FGF14: variants seen among roughly 807,000 people sequenced by gnomAD.
FGF14 encodes the protein fibroblast growth factor 14.
Under a neutral mutation model 25.5 loss-of-function variants are expected in FGF14, and 5 were observed. The observed-to-expected ratio is 0.20, with a 90% CI of 0.10 to 0.41. FGF14 has a LOEUF of 0.41. Ranked by LOEUF, FGF14 falls within the 10% of genes least tolerant of loss-of-function variation. The probability of loss-of-function intolerance (pLI) is 1.00; values close to 1 mark genes in which losing one functional copy is unlikely to be tolerated. For missense variants in FGF14, 222 were observed against 320.1 expected (o/e 0.69, Z 2.34); for synonymous variants, 138 against 118.3 (o/e 1.17, Z -1.08).
intron 1 of FGF14, among the ~76,000 whole-genome samples, chr13:101,971,891 T>C (rs2037618129): frequency 6.6e-6 from 1 of 152,220 alleles, no homozygotes; most frequent in South Asian, 2.1e-4. Flanking sequence ...CTGTTTGAAA[T>C]TTCACACGTG....
intron 1 of FGF14, among the ~76,000 whole-genome samples, chr13:102,329,196 G>A (rs2056558363): frequency 6.6e-6 from 1 of 152,100 alleles, no homozygotes; most frequent in Admixed American, 6.6e-5. Flanking sequence ...AAAAGCTCAT[G>A]GTTATTAGTA....
chr13:102,067,195 C>T (rs2042939110), intron 1 of FGF14, among the ~76,000 whole-genome samples: 1 of 152,102 alleles, frequency 6.6e-6, no homozygotes, highest in African/African-American at 2.4e-5. Context: ...CATCAAAAGG[C>T]CATTTGGGAA....
intron 1 of FGF14, among the ~76,000 whole-genome samples, chr13:102,218,174 G>C (rs750875857): frequency 2.0e-5 from 3 of 151,960 alleles, no homozygotes; most frequent in Non-Finnish European, 2.9e-5. Context: ...CAGCTTGAAA[G>C]AAGATCTTTC....
rs538389208 is a variant in FGF14, at chr13:101,770,518, TATCTC to T, written c.409-43713_409-43709del. 7.2e-5 allele frequency among the ~76,000 whole-genome samples: 11 copies of T among 152,254 alleles called. No homozygotes were observed. The South Asian group carries it at 1.7e-3, about 23-fold the overall frequency. On this transcript the variant is annotated intron_variant, in intron 3 of 4. Coordinates refer to ENST00000376143, the MANE Select transcript of FGF14 (RefSeq NM_004115.4). ...CCTGAAATACTAGTATTAGTCCTATTATCTCAGCTCAGGGTTGAAAGTACTTAAAT... is the reference window on the plus strand; with the variant it reads ...CCTGAAATACTAGTATTAGTCCTATTAGCTCAGGGTTGAAAGTACTTAAAT...
At chr13:102,261,280 T>C (rs566631381) in intron 1 of FGF14, among the ~76,000 whole-genome samples, 1 of 152,348 alleles carries the variant, frequency 6.6e-6, no homozygotes, top group South Asian at 2.1e-4. Context: ...CTTTAGCTTC[T>C]TGGCTGTTAC....
At chr13:102,360,899 G>A (rs529891614) in intron 1 of FGF14, among the ~76,000 whole-genome samples, 2 of 151,652 alleles carry the variant, frequency 1.3e-5, no homozygotes, top group Non-Finnish European at 2.9e-5. Context: ...ACACACACAC[G>A]AGCCACAAAT....
chr13:102,070,164 G>A (rs2043097120), intron 1 of FGF14, among the ~76,000 whole-genome samples: 1 of 152,132 alleles, frequency 6.6e-6, no homozygotes. Context: ...GATATAAGGA[G>A]CTCAAACAAC....
chr13:102,041,583 T>TAAAAAAAAAA (rs11430268), intron 1 of FGF14, among the ~76,000 whole-genome samples: 8 of 141,936 alleles, frequency 5.6e-5, no homozygotes, highest in African/African-American at 2.1e-4. Context: ...TGTTTCCATG[T>TAAAAAAAAAA]AAAAAAAAAA....
At chr13:102,396,294 CTTGTTTAACACTG>C (rs1259949990) in intron 1 of FGF14, among the ~76,000 whole-genome samples, 1 of 152,178 alleles carries the variant, frequency 6.6e-6, no homozygotes, top group Non-Finnish European at 1.5e-5. Context: ...AGTGCAATGA[CTTGTTTAACACTG>C]AAGAGAAGAG....
chr13:102,353,125 A>G (rs537105734), intron 1 of FGF14, among the ~76,000 whole-genome samples: 1 of 152,272 alleles, frequency 6.6e-6, no homozygotes, highest in Non-Finnish European at 1.5e-5. Flanking sequence ...AAATAAAAGC[A>G]ATATACCTAG....
chr13:102,336,653 C>A (rs919001343), intron 1 of FGF14, among the ~76,000 whole-genome samples: 1 of 152,168 alleles, frequency 6.6e-6, no homozygotes, highest in African/African-American at 2.4e-5. Context: ...GAAATGCCAT[C>A]TAGGACTTTC....
chr13:102,285,742 TACTTACA>T (rs1304073718), intron 1 of FGF14, among the ~76,000 whole-genome samples: 1 of 152,222 alleles, frequency 6.6e-6, no homozygotes, highest in Non-Finnish European at 1.5e-5. Flanking sequence ...ATATTTTAAA[TACTTACA>T]ACTTACAATA....
chr13:102,161,658 GAA>G (rs2047739866), intron 1 of FGF14, among the ~76,000 whole-genome samples: 4 of 20,548 alleles, frequency 1.9e-4, no homozygotes, highest in Admixed American at 4.2e-4. Context: ...AGAAGAAGAA[GAA>G]GAAGAAGAAG....
chr13:102,018,554 T>A (rs954623134), intron 1 of FGF14, among the ~76,000 whole-genome samples: 1 of 152,118 alleles, frequency 6.6e-6, no homozygotes, highest in African/African-American at 2.4e-5. Context: ...TACAGAACAC[T>A]GAAGTCTGTT....
intron 1 of FGF14, among the ~76,000 whole-genome samples, chr13:102,117,579 A>G (rs566235092): frequency 6.6e-6 from 1 of 152,286 alleles, no homozygotes; most frequent in African/African-American, 2.4e-5. Context: ...GGCATTGTTT[A>G]TAATAGGAGA....
chr13:101,759,834 C>T (rs1471698434), intron 3 of FGF14, among the ~76,000 whole-genome samples: 1 of 152,080 alleles, frequency 6.6e-6, no homozygotes, highest in African/African-American at 2.4e-5. Context: ...GTTATCTAGC[C>T]CTTTTCTGCA....
intron 1 of FGF14, among the ~76,000 whole-genome samples, chr13:101,915,662 T>C (rs892246247): frequency 6.6e-6 from 1 of 152,192 alleles, no homozygotes; most frequent in Non-Finnish European, 1.5e-5. Context: ...AAGAAATACC[T>C]GTAGTAAGGT....
chr13:101,963,419 C>T (rs574661179), intron 1 of FGF14, among the ~76,000 whole-genome samples: 2 of 152,154 alleles, frequency 1.3e-5, no homozygotes, highest in East Asian at 3.9e-4. Context: ...TCCAAATGGT[C>T]CCTCTAATTC....
intron 1 of FGF14, among the ~76,000 whole-genome samples, chr13:101,948,107 G>C (rs1176971033): frequency 1.3e-5 from 2 of 152,172 alleles, no homozygotes; most frequent in East Asian, 3.9e-4. Flanking sequence ...GTAGTCAAAA[G>C]ATGTTTTCGA....
Sources: gnomAD v4.1 joint callset for allele counts (sites outside exome capture counted in the v4.1 genomes callset) on GRCh38, gnomAD v4.1.1 for gene constraint, MANE v1.5 for transcripts, NCBI Gene and HGNC (gene_info 2026-07-23, HGNC 2026-07-21) for gene names.